Variants in BCAR3 observed in about 807,000 individuals in gnomAD.
BCAR3 encodes the protein BCAR3 adaptor protein, NSP family member.
Under a neutral mutation model 80.1 loss-of-function variants are expected in BCAR3, and 37 were observed. The ratio of observed to expected loss-of-function variants is 0.46; its 90% CI spans 0.36 to 0.61. The LOEUF (loss-of-function observed/expected upper bound fraction) is 0.61. Among genes scored for constraint, BCAR3 ranks in the 20% least tolerant of loss-of-function variants. The pLI, the probability that BCAR3 is intolerant of heterozygous loss-of-function variation, is 0.00. For missense variants in BCAR3, 978 were observed against 1,068.2 expected (o/e 0.92, Z 1.18); for synonymous variants, 389 against 418.9 (o/e 0.93, Z 0.87).
chr1:93,770,573 T>C (rs542672430), intron 2 of BCAR3, among the ~76,000 whole-genome samples: 2 of 152,256 alleles, frequency 1.3e-5, no homozygotes, highest in East Asian at 3.9e-4. Flanking sequence ...GGAGTTTATA[T>C]ATATAGGATG....
chr1:93,566,837 C>G (rs533720408), intron 11 of BCAR3, among the ~76,000 whole-genome samples: 1 of 152,192 alleles, frequency 6.6e-6, no homozygotes, highest in East Asian at 1.9e-4. Flanking sequence ...AAGTGATTCT[C>G]CTGCCTCAGC....
At chr1:93,799,878 T>C (rs1294792514) in intron 2 of BCAR3, among the ~76,000 whole-genome samples, 1 of 152,220 alleles carries the variant, frequency 6.6e-6, no homozygotes. Context: ...ACTGGTATGC[T>C]AATAAACAAA....
intron 2 of BCAR3, among the ~76,000 whole-genome samples, chr1:93,643,679 A>G (rs1676068938): frequency 6.6e-6 from 1 of 151,984 alleles, no homozygotes; most frequent in East Asian, 1.9e-4. Context: ...AAAAAGCAGC[A>G]GATACGTAGG....
chr1:93,811,934 G>A (rs897583461), intron 2 of BCAR3, among the ~76,000 whole-genome samples: 4 of 152,136 alleles, frequency 2.6e-5, no homozygotes, highest in Admixed American at 2.0e-4. Context: ...ACTGACATTC[G>A]CTACAAATCA....
At chr1:93,578,357 G>A (rs1424857517) in intron 7 of BCAR3, among the ~76,000 whole-genome samples, 1 of 152,200 alleles carries the variant, frequency 6.6e-6, no homozygotes, top group Non-Finnish European at 1.5e-5. Flanking sequence ...GTGCCTTGAA[G>A]GCAAGAAACT....
At chr1:93,832,713 G>C (rs1020008868) in intron 2 of BCAR3, among the ~76,000 whole-genome samples, 10 of 152,090 alleles carry the variant, frequency 6.6e-5, no homozygotes, top group African/African-American at 2.4e-4. Context: ...TGATGGCCAG[G>C]CTTCTAAACC....
At chr1:93,572,875 C>T (rs1000400164) in intron 8 of BCAR3, among the ~76,000 whole-genome samples, 2 of 152,206 alleles carry the variant, frequency 1.3e-5, no homozygotes, top group African/African-American at 2.4e-5. Context: ...CTCTTGCTCT[C>T]CCTGAGCAAA....
At position 93,674,760 on chromosome 1, in the gene BCAR3, A is replaced by C; in HGVS notation, c.171T>G (p.Gly57=). The change falls in exon 2 of 12, where the codon GGT becomes GGG. Residue 57 remains glycine (G), a synonymous_variant. Coordinates refer to ENST00000260502, the MANE Select transcript of BCAR3 (RefSeq NM_003567.4). The stretch of plus-strand genomic sequence containing the variant: ...CATCACAGGACCTTATGGGAGGAGG[A>C]CCTTTTTTCTTCCGTGGAAGGGTGC... ...IHGTLPRKKK[G]PPPIRSCDDF... 6.2e-7 allele frequency: 1 copy of C among 1,612,734 alleles called. No individual in the cohort carries two copies. The highest frequency in any genetic ancestry group is 8.5e-7 in the Non-Finnish European group (1 of 1,179,664).
chr1:93,832,369 G>A (rs1456420916), intron 2 of BCAR3, among the ~76,000 whole-genome samples: 1 of 152,182 alleles, frequency 6.6e-6, no homozygotes, highest in Non-Finnish European at 1.5e-5. Context: ...GCCAAGGAAT[G>A]CCTGCAGCCT....
intron 2 of BCAR3, among the ~76,000 whole-genome samples, chr1:93,747,866 T>C (rs761667293): frequency 2.3e-4 from 35 of 151,552 alleles, no homozygotes; most frequent in Admixed American, 5.9e-4. Flanking sequence ...GCCACACTGA[T>C]GAAAACCTCT....
chr1:93,677,337 C>T (rs539904939), intron 1 of BCAR3, among the ~76,000 whole-genome samples: 4 of 152,132 alleles, frequency 2.6e-5, no homozygotes, highest in Non-Finnish European at 5.9e-5. Flanking sequence ...TGCTGTGGCT[C>T]GAGTGAAGCC....
At chr1:93,621,452 CAGAA>C (rs1423709022) in intron 3 of BCAR3, among the ~76,000 whole-genome samples, 2 of 152,132 alleles carry the variant, frequency 1.3e-5, no homozygotes, top group African/African-American at 4.8e-5. Flanking sequence ...CCTTCTGATC[CAGAA>C]AGACTTTCAG....
intron 2 of BCAR3, among the ~76,000 whole-genome samples, chr1:93,843,287 C>T (rs529241376): frequency 2.8e-4 from 43 of 152,256 alleles, no homozygotes; most frequent in African/African-American, 9.9e-4. Flanking sequence ...AATGTCCCTC[C>T]GGTTGCAACA....
At chr1:93,796,645 T>C (rs6679619) in intron 2 of BCAR3, among the ~76,000 whole-genome samples, 47,658 of 151,794 alleles carry the variant, frequency 0.31, 10,819 homozygotes, top group African/African-American at 0.64. Context: ...AGCTGTAGAC[T>C]GGAGCTGTTC....
At chr1:93,799,356 A>T (rs1234066488) in intron 2 of BCAR3, among the ~76,000 whole-genome samples, 1 of 152,204 alleles carries the variant, frequency 6.6e-6, no homozygotes, top group African/African-American at 2.4e-5. Context: ...TGTTCTTAGG[A>T]TATCCAATGT....
chr1:93,741,034 C>T (rs1651157515), intron 2 of BCAR3, among the ~76,000 whole-genome samples: 1 of 152,180 alleles, frequency 6.6e-6, no homozygotes, highest in South Asian at 2.1e-4. Flanking sequence ...TGTCTCTGAG[C>T]TAGAGTCCTT....
At position 93,567,831 on chromosome 1, in the gene BCAR3, C is replaced by A. The variant is rs375568699; in HGVS notation, c.1995G>T (p.Thr665=). ...TGTACTGGTGCCGCAGAGCAGTCCA[C>A]GTCTTTTCTAACCTTGTGATCTGGA... ...EMPQITRLEK[T]WTALRHQYTQ... is the part of the protein sequence containing the mutation. The change falls in exon 10 of 12, where the codon ACG becomes ACT. Residue 665 remains threonine (T), a synonymous_variant. Coordinates refer to ENST00000260502, the MANE Select transcript of BCAR3 (RefSeq NM_003567.4). The A allele has an allele frequency of 6.2e-7, 1 of 1,614,026 alleles. No individual in the cohort carries two copies. The highest frequency in any genetic ancestry group is 8.5e-7 in the Non-Finnish European group (1 of 1,179,844).
At chr1:93,734,749 C>G (rs1246213092) in intron 2 of BCAR3, among the ~76,000 whole-genome samples, 1 of 152,160 alleles carries the variant, frequency 6.6e-6, no homozygotes, top group Non-Finnish European at 1.5e-5. Flanking sequence ...CTGGGCCAAT[C>G]AGAAGGGGCT....
At chr1:93,753,657 G>A (rs1651645195) in intron 2 of BCAR3, 1 of 151,038 alleles carries the variant, frequency 6.6e-6, no homozygotes, top group African/African-American at 2.4e-5. Flanking sequence ...CTGACTGCCT[G>A]AGAGCCCAGA....
Sources: allele counts gnomAD v4.1 joint callset (sites outside exome capture counted in the v4.1 genomes callset), GRCh38; gene constraint gnomAD v4.1.1; transcripts MANE v1.5; gene names NCBI Gene and HGNC (gene_info 2026-07-23, HGNC 2026-07-21).